The following SLC39A9 variants were observed in gnomAD, a reference collection of about 807,000 sequenced individuals.
The protein encoded by SLC39A9 is zinc transporter ZIP9.
A neutral mutation model predicts 28.4 loss-of-function variants in SLC39A9; 14 were observed. The observed-to-expected ratio is 0.49, with a 90% confidence interval of 0.33 to 0.77. The LOEUF is 0.77. Among genes scored for constraint, SLC39A9 ranks in the 30% least tolerant of loss-of-function variants. The probability of loss-of-function intolerance (pLI) is 0.02; values close to 1 mark genes in which losing one functional copy is unlikely to be tolerated. For synonymous variants in SLC39A9, 119 were observed against 149.6 expected (o/e 0.80, Z 1.49); for missense variants, 283 against 381.1 (o/e 0.74, Z 2.14).
At chr14:69,401,166 G>C (rs569601494) in intron 1 of SLC39A9, among the ~76,000 whole-genome samples, 15 of 152,214 alleles carry the variant, frequency 9.9e-5, no homozygotes, top group African/African-American at 3.6e-4. Context: ...ATGGTAGCCT[G>C]TGTGCCAAAT....
rs1357424741 is a variant in SLC39A9, at chr14:69,461,832, A to G, written c.*3239A>G. 1 of 1,320,160 alleles carries G rather than the reference A, an allele frequency of 7.6e-7. No individual in the cohort carries two copies. The allele number at this position is 1,320,160 out of a possible 1,614,324, so 81.8% of individuals were successfully genotyped here. On this transcript the variant is annotated 3_prime_UTR_variant, in exon 7 of 7. Coordinates refer to ENST00000336643, the MANE Select transcript of SLC39A9 (RefSeq NM_018375.5). ...GATGTTCCTGCCTTGTGGGCCCCTGAGCCCCTTGGGAGACTGAGAATCATG... is the reference window on the plus strand; with the variant it reads ...GATGTTCCTGCCTTGTGGGCCCCTGGGCCCCTTGGGAGACTGAGAATCATG...
rs983964190 is a variant in SLC39A9, at chr14:69,459,738, G to A, written c.*1145G>A. The A allele has an allele frequency of 1.4e-4, 134 of 984,532 alleles. No individual in the cohort carries two copies. The highest frequency in any genetic ancestry group is 3.7e-4 in the Admixed American group (6 of 16,198). The allele number at this position is 984,532 out of a possible 1,614,324, so 61.0% of individuals were successfully genotyped here. The stretch of plus-strand genomic sequence containing the variant: ...TTGGAATCATGTCTCTTGTCTCTTC[G>A]TCTTTTCTTTGCTTTTCTTCTAACT... On this transcript the variant is annotated 3_prime_UTR_variant, in exon 7 of 7. Coordinates refer to ENST00000336643, the MANE Select transcript of SLC39A9 (RefSeq NM_018375.5).
chr14:69,421,583 T>C (rs1487978138), intron 1 of SLC39A9, among the ~76,000 whole-genome samples: 1 of 152,218 alleles, frequency 6.6e-6, no homozygotes, highest in East Asian at 1.9e-4. Context: ...TGCTGCCTTT[T>C]ATTCAGCTAT....
At chr14:69,423,919 A>C (rs1236251049) in intron 1 of SLC39A9, among the ~76,000 whole-genome samples, 175 bp from the exon 2 acceptor site, 1 of 150,048 alleles carries the variant, frequency 6.7e-6, no homozygotes, top group Non-Finnish European at 1.5e-5. Flanking sequence ...AAAAAAATTC[A>C]TCTCTTTGTT....
chr14:69,414,430 T>A (rs555845612), intron 1 of SLC39A9, among the ~76,000 whole-genome samples: 4 of 152,282 alleles, frequency 2.6e-5, no homozygotes, highest in African/African-American at 9.6e-5. Flanking sequence ...AAAATTGTGG[T>A]GAATTATTTT....
chr14:69,413,787 A>G (rs901689652), intron 1 of SLC39A9, among the ~76,000 whole-genome samples: 2 of 152,136 alleles, frequency 1.3e-5, no homozygotes, highest in Non-Finnish European at 2.9e-5. Context: ...ATGGAGTGCA[A>G]TGCTGAATCT....
At chr14:69,421,241 C>T (rs1190990272) in intron 1 of SLC39A9, among the ~76,000 whole-genome samples, 1 of 152,236 alleles carries the variant, frequency 6.6e-6, no homozygotes, top group Non-Finnish European at 1.5e-5. Flanking sequence ...AGTTTTCCTT[C>T]TAACAGTCAG....
rs775921465 is a variant in SLC39A9, at chr14:69,458,455, C to A, written c.786C>A (p.Val262=). 7.4e-6 allele frequency: 12 copies of A among 1,614,134 alleles called. No individual in the cohort carries two copies. The Admixed American group carries it at 1.0e-4, about 13-fold the overall frequency. The change falls in exon 7 of 7, where the codon GTC becomes GTA. Residue 262 remains valine (V), a synonymous_variant. Transcript: ENST00000336643. The part of the protein sequence containing the change: ...GTFLYVATVH[V]LPEVGGIGHS... The stretch of plus-strand genomic sequence containing the variant: ...TTCTTTATGTTGCCACAGTACATGT[C>A]CTCCCTGAGGTGGGCGGAATAGGGC...
chr14:69,462,008 A>C lies in SLC39A9; in HGVS notation c.*3415A>C. On this transcript the variant is annotated 3_prime_UTR_variant, in exon 7 of 7. Transcript: ENST00000336643. ...CTGTTGGAGATGCTGTGAAATTAAA[A>C]CCTCTTTGTACCTGAGACATCTAGA... The C allele has an allele frequency of 3.2e-6, 1 of 309,702 alleles. No individual in the cohort carries two copies. Among genetic ancestry groups the C allele is most frequent in the Non-Finnish European group, 5.9e-6 (1 of 168,368 alleles). 19.2% of individuals were successfully genotyped at this position (309,702 alleles called of 1,614,324 possible).
Position 69,460,421 on chromosome 14 carries a change from A to ACTTC in SLC39A9, c.*1832_*1835dup. ...AGGTATAGTATGGAAAGTCCAAATG[A>ACTTC]CTTCCTTGATTGGATGTTAACAGCT... On this transcript the variant is annotated 3_prime_UTR_variant, in exon 7 of 7. Coordinates refer to ENST00000336643, the MANE Select transcript of SLC39A9 (RefSeq NM_018375.5). 4 of 985,458 alleles carry ACTTC rather than the reference A, an allele frequency of 4.1e-6. No homozygotes were observed. Among genetic ancestry groups the ACTTC allele is most frequent in the Non-Finnish European group, 4.8e-6 (4 of 829,932 alleles). The allele number at this position is 985,458 out of a possible 1,614,324, so 61.0% of individuals were successfully genotyped here.
chr14:69,424,283 G>A (rs1232775183), intron 2 of SLC39A9, 81 bp downstream of exon 2: 2 of 1,022,880 alleles, frequency 2.0e-6, no homozygotes, highest in Non-Finnish European at 3.0e-6. Context: ...TATGTTTTCT[G>A]AGCACAGTTC....
At position 69,458,616 on chromosome 14, in the gene SLC39A9, C is replaced by A; in HGVS notation, c.*23C>A. 6.4e-7 allele frequency: 1 copy of A among 1,573,250 alleles called. No homozygotes were observed. Among genetic ancestry groups the A allele is most frequent in the Non-Finnish European group, 8.7e-7 (1 of 1,155,250 alleles). The stretch of plus-strand genomic sequence containing the variant: ...TAAATGTTCAAGGTCCAGCCTTGGT[C>A]CAGGGCCGTTTGCCATCCAGTGAGA... On this transcript the variant is annotated 3_prime_UTR_variant, in exon 7 of 7. Coordinates refer to ENST00000336643, the MANE Select transcript of SLC39A9 (RefSeq NM_018375.5).
chr14:69,451,142 G>T (rs1471921451), intron 3 of SLC39A9, among the ~76,000 whole-genome samples: 2 of 152,160 alleles, frequency 1.3e-5, no homozygotes, highest in Non-Finnish European at 2.9e-5. Context: ...TCCAGTTCAG[G>T]GTAGCATTGA....
intron 3 of SLC39A9, among the ~76,000 whole-genome samples, chr14:69,448,083 C>T (rs1303592110): frequency 6.6e-6 from 1 of 151,450 alleles, no homozygotes; most frequent in Non-Finnish European, 1.5e-5. Flanking sequence ...GGCGTGTTGG[C>T]GGGCGTCTGT....
intron 1 of SLC39A9, among the ~76,000 whole-genome samples, chr14:69,419,257 T>C (rs527373500): frequency 6.6e-6 from 1 of 152,364 alleles, no homozygotes; most frequent in South Asian, 2.1e-4. Flanking sequence ...TTTCGTTGTT[T>C]ACCCAGTAGT....
rs1435314753 is a variant in SLC39A9, at chr14:69,461,649, T to A, written c.*3056T>A. On this transcript the variant is annotated 3_prime_UTR_variant, in exon 7 of 7. Coordinates refer to ENST00000336643, the MANE Select transcript of SLC39A9 (RefSeq NM_018375.5). ...AGAAAATGTGATTGTGTTTTTTTTT[T>A]ACCAGCCTACTTCTAAGTGTCACTG... is the stretch of plus-strand genomic sequence containing the variant. 2.6e-6 allele frequency: 4 copies of A among 1,532,440 alleles called. No homozygotes were observed. The South Asian group carries it at 3.6e-5, about 14-fold the overall frequency. The allele number at this position is 1,532,440 out of a possible 1,614,324, so 94.9% of individuals were successfully genotyped here. A position where few individuals can be genotyped will look rare whatever the true frequency, so the allele number is the denominator to read the frequency against.
intron 1 of SLC39A9, 79 bp downstream of exon 1, chr14:69,399,544 C>T (rs1048848816): frequency 1.8e-6 from 2 of 1,125,602 alleles, no homozygotes; most frequent in African/African-American, 1.5e-5. Context: ...AAGCTGCTTC[C>T]CTAGTTAAAT....
chr14:69,400,785 GT>G (rs1433961284), intron 1 of SLC39A9, among the ~76,000 whole-genome samples: 1 of 151,998 alleles, frequency 6.6e-6, no homozygotes, highest in African/African-American at 2.4e-5. Flanking sequence ...TTCTTTTTCT[GT>G]TTCCTTTTTA....
rs927342426 is a variant in SLC39A9, at chr14:69,399,303, C to T, written c.-67C>T. ...GAACCACCACACCTGTTTAAAGAAC[C>T]TAAGCACCATTTAAAGCCACTGGAA... On this transcript the variant is annotated 5_prime_UTR_variant, in exon 1 of 7. Transcript: ENST00000336643. The T allele has an allele frequency of 2.1e-5, 30 of 1,410,456 alleles. No individual in the cohort carries two copies. Among genetic ancestry groups the T allele is most frequent in the Non-Finnish European group, 2.8e-5 (28 of 1,004,600 alleles). The allele number at this position is 1,410,456 out of a possible 1,614,324, so 87.4% of individuals were successfully genotyped here. A position where few individuals can be genotyped will look rare whatever the true frequency, so the allele number is the denominator to read the frequency against.
Sources: allele counts gnomAD v4.1 joint callset (sites outside exome capture counted in the v4.1 genomes callset), GRCh38; gene constraint gnomAD v4.1.1; transcripts MANE v1.5; gene names NCBI Gene and HGNC (gene_info 2026-07-23, HGNC 2026-07-21).